Variants in ZNF181 observed in about 807,000 individuals in gnomAD.
ZNF181 encodes zinc finger protein 181.
In ZNF181, 8 loss-of-function variants were observed where a neutral mutation model predicts 11.9. The observed-to-expected ratio is 0.67, with a 90% CI of 0.39 to 1.21. ZNF181 has a LOEUF of 1.21. ZNF181 is among the 50% of genes most tolerant of loss of function. ZNF181 has a pLI of 0.01. For missense variants in ZNF181, 542 were observed against 670.9 expected (o/e 0.81, Z 2.12); for synonymous variants, 202 against 221.1 (o/e 0.91, Z 0.77).
Position 34,743,615 on chromosome 19 carries a change from A to G in ZNF181, c.*1518A>G, listed in dbSNP as rs1435098544. The G allele has an allele frequency of 6.6e-6, 1 of 152,186 alleles. No individual in the cohort carries two copies. Among genetic ancestry groups the G allele is most frequent in the Non-Finnish European group, 1.5e-5 (1 of 68,052 alleles). 9.4% of individuals were successfully genotyped at this position (152,186 alleles called of 1,614,324 possible). ...TGCTGCAGCTGGATTCCACGTTCCC[A>G]TGTCTAGTTTCAGATTCTGTGGCTT... On this transcript the variant is annotated 3_prime_UTR_variant, in exon 4 of 4. Coordinates refer to ENST00000492450, the MANE Select transcript of ZNF181 (RefSeq NM_001029997.4).
At position 34,741,322 on chromosome 19, in the gene ZNF181, C is replaced by T. The variant is rs746575932; in HGVS notation, c.941C>T (p.Thr314Ile). ...HVSSLTNHQS[T>I]HTGEKPYECM... The stretch of plus-strand genomic sequence containing the variant: ...TCATCACTTACTAACCATCAGAGCA[C>T]TCACACTGGAGAGAAACCATATGAA... Residue 314 changes from threonine (T) to isoleucine (I), a missense_variant, in exon 4 of 4, where the codon ACT becomes ATT. By Grantham distance (89) the Thr-to-Ile change is moderately conservative. Coordinates refer to ENST00000492450, the MANE Select transcript of ZNF181 (RefSeq NM_001029997.4). The T allele has an allele frequency of 6.2e-7, 1 of 1,613,854 alleles. No individual in the cohort carries two copies. The highest frequency in any genetic ancestry group is 8.5e-7 in the Non-Finnish European group (1 of 1,179,812).
chr19:34,744,561 G>A lies in ZNF181; in HGVS notation c.*2464G>A, dbSNP rs1206701662. 6.6e-6 allele frequency: 1 copy of A among 152,148 alleles called. No individual in the cohort carries two copies. Among genetic ancestry groups the A allele is most frequent in the Admixed American group, 6.6e-5 (1 of 15,260 alleles). The allele number at this position is 152,148 out of a possible 1,614,324, so 9.4% of individuals were successfully genotyped here. Reference sequence around the variant, plus strand: ...CAGTCCTAGCTATTCAGGAGGCTGAGTGGGGAGGGATTGCTTGAGTACAGG... The same window carrying A: ...CAGTCCTAGCTATTCAGGAGGCTGAATGGGGAGGGATTGCTTGAGTACAGG... On this transcript the variant is annotated 3_prime_UTR_variant, in exon 4 of 4. Coordinates refer to ENST00000492450, the MANE Select transcript of ZNF181 (RefSeq NM_001029997.4).
rs565237606 is a variant in ZNF181, at chr19:34,734,272, C to T, written c.-766C>T. ...TAGCCTCAGGCCTGACGGCGACTCC[C>T]AGGCTCCGGGACGATTCTGGGCAGT... On this transcript the variant is annotated 5_prime_UTR_variant, in exon 1 of 4. Coordinates refer to ENST00000492450, the MANE Select transcript of ZNF181 (RefSeq NM_001029997.4). 2 of 152,366 alleles carry T rather than the reference C, an allele frequency of 1.3e-5. No homozygotes were observed. Among genetic ancestry groups the T allele is most frequent in the South Asian group, 4.1e-4 (2 of 4,828 alleles). 9.4% of individuals were successfully genotyped at this position (152,366 alleles called of 1,614,324 possible).
At position 34,740,959 on chromosome 19, in the gene ZNF181, C is replaced by T; in HGVS notation, c.578C>T (p.Pro193Leu). The T allele has an allele frequency of 6.2e-7, 1 of 1,613,484 alleles. No homozygotes were observed. Among genetic ancestry groups the T allele is most frequent in the South Asian group, 1.1e-5 (1 of 91,000 alleles). ...HKYDILKKNL[P>L]KKSVIKNEKV... The stretch of plus-strand genomic sequence containing the variant: ...TATGATATATTAAAGAAGAACTTAC[C>T]AAAAAAGTCAGTTATAAAAAATGAG... Residue 193 changes from proline to leucine, a missense_variant, in exon 4 of 4, where the codon CCA becomes CTA. Coordinates refer to ENST00000492450, the MANE Select transcript of ZNF181 (RefSeq NM_001029997.4).
At chr19:34,736,258 G>A in intron 1 of ZNF181, 3 of 684,014 alleles carry the variant, frequency 4.4e-6, no homozygotes, top group Non-Finnish European at 8.0e-6. Flanking sequence ...GGAGAAGTTA[G>A]ATAATTAGAA....
In ZNF181 at chr19:34,740,930, C is replaced by T; in HGVS notation, c.549C>T (p.His183=). Residue 183 remains histidine (H), a synonymous_variant, in exon 4 of 4, where the codon CAC becomes CAT. Transcript: ENST00000492450. ...AAATTTCTGCTGAAGGGAATTCACA[C>T]AAATATGATATATTAAAGAAGAACT... ...PQKISAEGNS[H]KYDILKKNLP... 1.9e-6 allele frequency: 3 copies of T among 1,613,664 alleles called. No homozygotes were observed. Among genetic ancestry groups the T allele is most frequent in the East Asian group, 2.2e-5 (1 of 44,878 alleles).
chr19:34,736,327 G>T, intron 1 of ZNF181: 1 of 615,610 alleles, frequency 1.6e-6, no homozygotes, highest in Non-Finnish European at 2.9e-6. Context: ...AGGGTGATGA[G>T]TTGAGAAAAT....
At chr19:34,740,466 A>T in intron 3 of ZNF181, 145 bp from the exon 4 acceptor site, 1 of 820,922 alleles carries the variant, frequency 1.2e-6, no homozygotes, top group Admixed American at 2.6e-5. Flanking sequence ...CTGTTCAGAA[A>T]TCATTGAAAT....
intron 1 of ZNF181, among the ~76,000 whole-genome samples, chr19:34,735,287 C>G (rs1421975826): frequency 1.3e-5 from 2 of 152,208 alleles, no homozygotes; most frequent in African/African-American, 4.8e-5. Context: ...CATTTTAAAA[C>G]TGTAATTCAC....
rs925290253 is a variant in ZNF181, at chr19:34,743,114, A to T, written c.*1017A>T. On this transcript the variant is annotated 3_prime_UTR_variant, in exon 4 of 4. Transcript: ENST00000492450. The stretch of plus-strand genomic sequence containing the variant: ...CAGCGATGGGATATAGGAATCCAGT[A>T]GTTCTGAGCTTTAGTGGTGTGTCAA... The T allele has an allele frequency of 1.3e-5, 2 of 152,222 alleles. No individual in the cohort carries two copies. The highest frequency in any genetic ancestry group is 4.8e-5 in the African/African-American group (2 of 41,460). The allele number at this position is 152,222 out of a possible 1,614,324, so 9.4% of individuals were successfully genotyped here.
Position 34,741,378 on chromosome 19 carries a change from G to A in ZNF181, c.997G>A (p.Val333Met). 1 of 1,613,874 alleles carries A rather than the reference G, an allele frequency of 6.2e-7. No individual in the cohort carries two copies. The highest frequency in any genetic ancestry group is 8.5e-7 in the Non-Finnish European group (1 of 1,179,828). ...GAACTGTGGAAAGTCTTTTAGTCGT[G>A]TGTCCCATCTTATTGAACATCTAAG... ...CMNCGKSFSR[V>M]SHLIEHLRIH... The change falls in exon 4 of 4, where the codon GTG (valine) becomes ATG (methionine). Residue 333 changes from valine (V) to methionine (M), a missense_variant. Physicochemically the swap from Val to Met is conservative, Grantham distance 21. Transcript: ENST00000492450.
rs3826979 is a variant in ZNF181 at position 34,740,677 on chromosome 19, C to T, written c.296C>T (p.Pro99Leu). Residue 99 changes from proline (P) to leucine (L), a missense_variant, in exon 4 of 4, where the codon CCC (proline) becomes CTC (leucine). Transcript: ENST00000492450. ...AAGGATAATTATGATGAAGATTCAC[C>T]CCAAACAGTAATAATAGAAAAAGTT... Reference protein sequence around the residue: ...TKKDNYDEDSPQTVIIEKVVK... With the variant: ...TKKDNYDEDSLQTVIIEKVVK... 1 of 1,609,282 alleles carries T rather than the reference C, an allele frequency of 6.2e-7. No individual in the cohort carries two copies. The highest frequency in any genetic ancestry group is 8.5e-7 in the Non-Finnish European group (1 of 1,178,034).
intron 1 of ZNF181, among the ~76,000 whole-genome samples, chr19:34,738,425 AG>A (rs1252765327): frequency 6.6e-6 from 1 of 152,244 alleles, no homozygotes; most frequent in Non-Finnish European, 1.5e-5. Flanking sequence ...TCATCTCCTA[AG>A]GTCTCACCTC....
chr19:34,737,766 T>C (rs1371551268), intron 1 of ZNF181, among the ~76,000 whole-genome samples: 1 of 152,206 alleles, frequency 6.6e-6, no homozygotes, highest in African/African-American at 2.4e-5. Context: ...CTGTTTCACC[T>C]CAGATCATCA....
Position 34,739,281 on chromosome 19 carries a change from C to T in ZNF181, c.130+13C>T, listed in dbSNP as rs1568483257. The T allele has an allele frequency of 1.9e-6, 3 of 1,613,404 alleles. No individual in the cohort carries two copies. Among genetic ancestry groups the T allele is most frequent in the East Asian group, 2.2e-5 (1 of 44,884 alleles). On this transcript the variant is annotated intron_variant, in intron 2 of 3. Transcript: ENST00000492450. ...CTGGTCTCTGTAGGTAAGGATATTA[C>T]CCCTTCCACTCCAGTAGGGGACACC...
intron 1 of ZNF181, among the ~76,000 whole-genome samples, chr19:34,737,009 T>G (rs1273535651): frequency 6.6e-6 from 1 of 152,250 alleles, no homozygotes; most frequent in Non-Finnish European, 1.5e-5. Flanking sequence ...AATTAACAGG[T>G]GAATTTAGGA....
chr19:34,737,803 C>T (rs577828451), intron 1 of ZNF181, among the ~76,000 whole-genome samples: 7 of 152,296 alleles, frequency 4.6e-5, no homozygotes, highest in Non-Finnish European at 1.0e-4. Flanking sequence ...ACATAAGGGG[C>T]GTGCAACCTT....
chr19:34,739,170 T>A lies in ZNF181; in HGVS notation c.32T>A (p.Ile11Lys), dbSNP rs760537863. The change falls in exon 2 of 4, where the codon ATA becomes AAA. Residue 11 changes from isoleucine to lysine, a missense_variant. By Grantham distance (102) the Ile-to-Lys change is moderately radical. Transcript: ENST00000492450. MPQVTFNDVA[I>K]DFTHEEWGWL... is the part of the protein sequence containing the mutation. ...CAGGTGACATTTAATGATGTGGCTATAGACTTCACTCATGAAGAGTGGGGA... is the reference window on the plus strand; with the variant it reads ...CAGGTGACATTTAATGATGTGGCTAAAGACTTCACTCATGAAGAGTGGGGA... 1 of 1,613,802 alleles carries A rather than the reference T, an allele frequency of 6.2e-7. No homozygotes were observed. Among genetic ancestry groups the A allele is most frequent in the South Asian group, 1.1e-5 (1 of 91,076 alleles).
rs760537863 is a variant in ZNF181, at chr19:34,739,170, T to C, written c.32T>C (p.Ile11Thr). 4.3e-6 allele frequency: 7 copies of C among 1,613,802 alleles called. No homozygotes were observed. The highest frequency in any genetic ancestry group is 1.7e-5 in the Admixed American group (1 of 60,024). Reference protein sequence around the residue: MPQVTFNDVAIDFTHEEWGWL... With the variant: MPQVTFNDVATDFTHEEWGWL... ...CAGGTGACATTTAATGATGTGGCTA[T>C]AGACTTCACTCATGAAGAGTGGGGA... Residue 11 changes from isoleucine (I) to threonine (T), a missense_variant, in exon 2 of 4, where the codon ATA (isoleucine) becomes ACA (threonine). Coordinates refer to ENST00000492450, the MANE Select transcript of ZNF181 (RefSeq NM_001029997.4).
Sources: allele counts gnomAD v4.1 joint callset (sites outside exome capture counted in the v4.1 genomes callset), GRCh38; gene constraint gnomAD v4.1.1; transcripts MANE v1.5; gene names NCBI Gene and HGNC (gene_info 2026-07-23, HGNC 2026-07-21).